Variants in ARV1 observed in about 807,000 individuals in gnomAD.
ARV1 encodes protein ARV1.
ARV1 carries 26 observed loss-of-function variants against 31.1 expected under a neutral mutation model. The observed-to-expected ratio is 0.84, with a 90% confidence interval of 0.61 to 1.16. ARV1 has a LOEUF of 1.16. Among genes scored for constraint, ARV1 ranks in the 50% most tolerant of loss-of-function variants. ARV1 has a pLI of 0.00. For synonymous variants in ARV1, 117 were observed against 123.2 expected, an observed-to-expected ratio of 0.95 and a Z score of 0.34; for missense variants, 281 against 324.9, an observed-to-expected ratio of 0.86 and a Z score of 1.04.
chr1:230,987,590 T>C (rs1679119289), intron 1 of ARV1, among the ~76,000 whole-genome samples: 1 of 152,192 alleles, frequency 6.6e-6, no homozygotes. Flanking sequence ...TAATGTGAAC[T>C]GCTAAGAGCC....
At chr1:230,990,669 C>G (rs1037829950) in intron 3 of ARV1, 3 of 354,934 alleles carry the variant, frequency 8.5e-6, no homozygotes, top group Non-Finnish European at 1.7e-5. Flanking sequence ...ATCCTCCTGC[C>G]TCGGCCCCCC....
At chr1:230,981,762 G>A (rs1013784323) in intron 1 of ARV1, among the ~76,000 whole-genome samples, 5 of 152,068 alleles carry the variant, frequency 3.3e-5, no homozygotes, top group African/African-American at 1.2e-4. Context: ...CCCTGAACTG[G>A]CTTATAAGGC....
chr1:230,998,927 A>G (rs1457866115), intron 5 of ARV1, among the ~76,000 whole-genome samples: 2 of 152,062 alleles, frequency 1.3e-5, no homozygotes, highest in Admixed American at 6.5e-5. Flanking sequence ...AAAAAAATAC[A>G]CAAGGAAGCC....
chr1:230,982,944 C>T (rs1469467512), intron 1 of ARV1, among the ~76,000 whole-genome samples: 2 of 152,030 alleles, frequency 1.3e-5, no homozygotes, highest in South Asian at 2.1e-4. Flanking sequence ...TGATCGCCCA[C>T]GTGTATTTTT....
At chr1:230,981,882 T>C (rs867197286) in intron 1 of ARV1, among the ~76,000 whole-genome samples, 2 of 152,198 alleles carry the variant, frequency 1.3e-5, no homozygotes, top group Admixed American at 6.5e-5. Context: ...CTTTGCACAA[T>C]GCCTGGAGCA....
chr1:230,989,174 T>C (rs999795725), intron 2 of ARV1, among the ~76,000 whole-genome samples: 3 of 152,202 alleles, frequency 2.0e-5, no homozygotes, highest in African/African-American at 7.2e-5. Flanking sequence ...AGTCTTGCTC[T>C]GTCACCCAGG....
chr1:230,986,668 A>ATTTTTTTTTTTTTTTTTTTTTTTTTTT (rs1162209283), intron 1 of ARV1, among the ~76,000 whole-genome samples: 2 of 62,356 alleles, frequency 3.2e-5, no homozygotes, highest in Non-Finnish European at 6.2e-5. Context: ...TACTTTTCCT[A>ATTTTTTTTTTTTTTTTTTTTTTTTTTT]TTTTTTTTTT....
At chr1:230,983,319 G>A (rs1678964697) in intron 1 of ARV1, among the ~76,000 whole-genome samples, 2 of 151,280 alleles carry the variant, frequency 1.3e-5, no homozygotes, top group Non-Finnish European at 2.9e-5. Flanking sequence ...GGCTGAGGCA[G>A]GAGAATCTCT....
chr1:230,993,380 G>C (rs966680395), intron 3 of ARV1, among the ~76,000 whole-genome samples: 1 of 152,166 alleles, frequency 6.6e-6, no homozygotes, highest in African/African-American at 2.4e-5. Flanking sequence ...GCAGGCATCA[G>C]CCACTGTTCC....
intron 2 of ARV1, 74 bp downstream of exon 2, chr1:230,988,513 A>G (rs1679143501): frequency 4.7e-6 from 6 of 1,287,928 alleles, no homozygotes; most frequent in Non-Finnish European, 6.4e-6. Context: ...AGAATTTTAA[A>G]CAGAAGTAAA....
rs1456972169 is a variant in ARV1 at position 231,000,465 on chromosome 1, A to G, written c.*332A>G. On this transcript the variant is annotated 3_prime_UTR_variant, in exon 6 of 6. Coordinates refer to ENST00000310256, the MANE Select transcript of ARV1 (RefSeq NM_022786.3). ...CCAGGTAAGCGCTCATAATTCACACATAATAAAACATCTAGGTTTCATTCC... is the reference window on the plus strand; with the variant it reads ...CCAGGTAAGCGCTCATAATTCACACGTAATAAAACATCTAGGTTTCATTCC... 1 of 152,244 alleles carries G rather than the reference A, an allele frequency of 6.6e-6. No homozygotes were observed. The highest frequency in any genetic ancestry group is 1.5e-5 in the Non-Finnish European group (1 of 68,044). 9.4% of individuals were successfully genotyped at this position (152,244 alleles called of 1,614,324 possible).
At chr1:230,994,481 G>C (rs1679308776) in intron 3 of ARV1, among the ~76,000 whole-genome samples, 2 of 152,068 alleles carry the variant, frequency 1.3e-5, no homozygotes, top group South Asian at 4.2e-4. Context: ...TTATTTTGAA[G>C]GGAGATAGCA....
chr1:230,995,805 A>C lies in ARV1; in HGVS notation c.494A>C (p.Glu165Ala), dbSNP rs761730752. The change falls in exon 4 of 6, where the codon GAA becomes GCA. Residue 165 changes from glutamate to alanine, a missense_variant. Transcript: ENST00000310256. ...FIGIFTFLWVERPMTAKKKPN... is the reference protein window; with the variant it reads ...FIGIFTFLWVARPMTAKKKPN... Reference sequence around the variant, plus strand: ...GGCATTTTTACCTTCCTGTGGGTAGAACGGCCCATGACGGCAAAAAAAAAG... The same window carrying C: ...GGCATTTTTACCTTCCTGTGGGTAGCACGGCCCATGACGGCAAAAAAAAAG... 1.9e-6 allele frequency: 3 copies of C among 1,614,122 alleles called. No homozygotes were observed. The South Asian group carries it at 3.3e-5, about 18-fold the overall frequency.
At chr1:230,986,504 T>C (rs1166466586) in intron 1 of ARV1, among the ~76,000 whole-genome samples, 2 of 152,050 alleles carry the variant, frequency 1.3e-5, no homozygotes, top group South Asian at 2.1e-4. Context: ...CCAAATGTTA[T>C]GCGTTTGAAT....
Position 230,981,070 on chromosome 1 carries a change from G to T in ARV1, c.174+1791G>T, listed in dbSNP as rs1678898828. Among the ~76,000 whole-genome samples, 3 of 152,068 alleles carry T rather than the reference G, an allele frequency of 2.0e-5. 1 individual carries two copies. The highest frequency in any genetic ancestry group is 7.2e-5 in the African/African-American group (3 of 41,400). Reference sequence around the variant, plus strand: ...TTGAAATGCTGTGTGCGCTTCCCAGGATTCAGTGCTCTTCTTATTGTCTTC... The same window carrying T: ...TTGAAATGCTGTGTGCGCTTCCCAGTATTCAGTGCTCTTCTTATTGTCTTC... On this transcript the variant is annotated intron_variant, in intron 1 of 5. Transcript: ENST00000310256.
chr1:230,980,189 A>G (rs1678823955), intron 1 of ARV1, among the ~76,000 whole-genome samples: 2 of 152,188 alleles, frequency 1.3e-5, no homozygotes, highest in Non-Finnish European at 2.9e-5. Flanking sequence ...TTTTGTCAAA[A>G]TGTCAACCCT....
intron 2 of ARV1, among the ~76,000 whole-genome samples, chr1:230,989,340 T>A (rs910041490): frequency 6.6e-6 from 1 of 152,126 alleles, no homozygotes; most frequent in Admixed American, 6.5e-5. Context: ...GTTCGCCATG[T>A]TGACCAGGCT....
chr1:230,997,770 TTCCATCATACG>T (rs1679410782), intron 5 of ARV1, among the ~76,000 whole-genome samples: 1 of 152,168 alleles, frequency 6.6e-6, no homozygotes, highest in Non-Finnish European at 1.5e-5. Context: ...GCCTTTTGCC[TTCCATCATACG>T]TGCTTTGCTA....
intron 3 of ARV1, among the ~76,000 whole-genome samples, 177 bp from the exon 4 acceptor site, chr1:230,995,583 A>T (rs557138475): frequency 0.019 from 1,549 of 80,530 alleles, 16 homozygotes; most frequent in South Asian, 0.031. Flanking sequence ...GGGTTTATTT[A>T]AAAAAAAAAA....
Sources: allele counts gnomAD v4.1 joint callset (sites outside exome capture counted in the v4.1 genomes callset), GRCh38; gene constraint gnomAD v4.1.1; transcripts MANE v1.5; gene names NCBI Gene and HGNC (gene_info 2026-07-23, HGNC 2026-07-21).